The following WDFY4 variants were observed in gnomAD, a reference collection of about 807,000 sequenced individuals.
WDFY4 encodes the protein WD repeat- and FYVE domain-containing protein 4.
In WDFY4, 169 loss-of-function variants were observed where a neutral mutation model predicts 351.9. The ratio of observed to expected loss-of-function variants is 0.48; its 90% CI spans 0.42 to 0.55. The LOEUF is 0.55. WDFY4 is among the 20% of genes least tolerant of loss of function. The pLI, the probability that WDFY4 is intolerant of heterozygous loss-of-function variation, is 0.00. For missense variants in WDFY4, 3,803 were observed against 3,935.6 expected (o/e 0.97, Z 0.90); for synonymous variants, 1,622 against 1,574.6 (o/e 1.03, Z -0.71).
chr10:48,718,518 G>A (rs138106899), intron 2 of WDFY4, among the ~76,000 whole-genome samples: 9 of 152,346 alleles, frequency 5.9e-5, no homozygotes, highest in East Asian at 5.8e-4. Context: ...GAAAGTGGAC[G>A]GTGGGTGGTG....
intron 31 of WDFY4, among the ~76,000 whole-genome samples, chr10:48,814,921 T>C (rs2067571713): frequency 6.6e-6 from 1 of 152,210 alleles, no homozygotes. Context: ...TTTTCCTCAA[T>C]ATTTGTGGAC....
intron 31 of WDFY4, among the ~76,000 whole-genome samples, chr10:48,816,513 T>C (rs2067625567): frequency 6.6e-6 from 1 of 152,244 alleles, no homozygotes; most frequent in Admixed American, 6.5e-5. Context: ...GTGATCTGTA[T>C]ATTTTTCATC....
chr10:48,900,226 C>T lies in WDFY4; in HGVS notation c.7443C>T (p.Ile2481=), dbSNP rs765061712. Residue 2481 remains isoleucine (I), a synonymous_variant, in exon 46 of 62, where the codon ATC becomes ATT. Transcript: ENST00000325239. ...LRQARFLLQD[I]ALEIFFHNGY... ...AAAGGGGCTTCTCTTCACAGGACAT[C>T]GCCCTGGAGATCTTCTTCCACAATG... The T allele has an allele frequency of 3.2e-5, 50 of 1,551,334 alleles. No homozygotes were observed. The highest frequency in any genetic ancestry group is 1.7e-4 in the Middle Eastern group (1 of 6,010).
chr10:48,703,487 G>T (rs570368411), intron 1 of WDFY4, among the ~76,000 whole-genome samples: 4 of 152,352 alleles, frequency 2.6e-5, no homozygotes, highest in Admixed American at 6.5e-5. Context: ...AATGGGGAAA[G>T]AATTTTAATC....
In WDFY4 at chr10:48,959,756, G is replaced by T; in HGVS notation, c.8166G>T (p.Val2722=). Residue 2722 remains valine (V), a synonymous_variant, in exon 53 of 62, where the codon GTG becomes GTT. Transcript: ENST00000325239. The part of the protein sequence containing the change: ...CMQDGTVLGD[V]QLPPWADGDP... ...AGGACGGGACTGTGCTAGGAGACGT[G>T]CAGCTCCCTCCCTGGGCTGATGGGG... 1 of 1,551,596 alleles carries T rather than the reference G, an allele frequency of 6.4e-7. No homozygotes were observed. Among genetic ancestry groups the T allele is most frequent in the Non-Finnish European group, 8.7e-7 (1 of 1,146,950 alleles).
rs1412161879 is a variant in WDFY4, at chr10:48,776,949, G to T, written c.3063G>T (p.Ser1021=). 3.9e-6 allele frequency: 6 copies of T among 1,552,270 alleles called. No individual in the cohort carries two copies. Among genetic ancestry groups the T allele is most frequent in the Admixed American group, 2.0e-5 (1 of 50,984 alleles). Residue 1021 remains serine, a synonymous_variant, in exon 16 of 62, where the codon TCG becomes TCT. Coordinates refer to ENST00000325239, the MANE Select transcript of WDFY4 (RefSeq NM_001394531.1). ...CTCAGAGGGCAGCCCTGGCCCCATC[G>T]TTTGTGGAATTTGACATGTCCGTGG... ...LQPQRAALAP[S]FVEFDMSVEG...
At position 48,774,499 on chromosome 10, in the gene WDFY4, G is replaced by T. The variant is rs1322548083; in HGVS notation, c.2595G>T (p.Gln865His). The T allele has an allele frequency of 6.4e-7, 1 of 1,551,756 alleles. No individual in the cohort carries two copies. The part of the protein sequence containing the change: ...EIQCSLASHI[Q>H]SLVKSEKNRQ... ...AGTGCTCCCTGGCCAGTCATATCCA[G>T]TCCCTGGTGAAGTCGGAGAAGAACC... Residue 865 changes from glutamine to histidine, a missense_variant, in exon 14 of 62, where the codon CAG (glutamine) becomes CAT (histidine). By Grantham distance (24) the Gln-to-His change is conservative (BLOSUM62 0). Around this residue, in one of 3 missense-constraint regions of WDFY4, gnomAD observed 3,054 missense variants for 3,148.6 expected, o/e 0.97. Transcript: ENST00000325239.
chr10:48,712,117 A>AT (rs1274908131), intron 2 of WDFY4, among the ~76,000 whole-genome samples: 2 of 152,206 alleles, frequency 1.3e-5, no homozygotes, highest in African/African-American at 4.8e-5. Flanking sequence ...GTTGTTGAAC[A>AT]TGTGGGCTTT....
At chr10:48,699,283 C>T (rs754841768) in intron 1 of WDFY4, among the ~76,000 whole-genome samples, 7 of 152,194 alleles carry the variant, frequency 4.6e-5, no homozygotes, top group Non-Finnish European at 1.0e-4. Flanking sequence ...GTGTTCAGAG[C>T]TTTCAGTGTT....
Position 48,796,423 on chromosome 10 carries a change from C to T in WDFY4, c.4383C>T (p.Val1461=), listed in dbSNP as rs1448651319. The change falls in exon 24 of 62, where the codon GTC becomes GTT. Residue 1461 remains valine (V), a synonymous_variant. Transcript: ENST00000325239. ...FRSSAITNTG[V]FQHILCNFEL... is the part of the protein sequence containing the mutation. ...CATCTGCTATCACCAACACTGGTGT[C>T]TTCCAGCACATCCTCTGCAATTTCG... 7 of 1,551,776 alleles carry T rather than the reference C, an allele frequency of 4.5e-6. No individual in the cohort carries two copies. The highest frequency in any genetic ancestry group is 6.1e-6 in the Non-Finnish European group (7 of 1,147,070).
rs1044541502 is a variant in WDFY4, at chr10:48,970,181, C to T, written c.8820C>T (p.Ala2940=). ...NLAAWGRCLC[A]VCPSPTTIVT... is the part of the protein sequence containing the mutation. Reference sequence around the variant, plus strand: ...CTGCCTGGGGCCGCTGTCTGTGCGCCGTGTGCCCATCCCCAACAACGATTG... The same window carrying T: ...CTGCCTGGGGCCGCTGTCTGTGCGCTGTGTGCCCATCCCCAACAACGATTG... Residue 2940 remains alanine, a synonymous_variant, in exon 57 of 62, where the codon GCC becomes GCT. Coordinates refer to ENST00000325239, the MANE Select transcript of WDFY4 (RefSeq NM_001394531.1). 24 of 1,551,700 alleles carry T rather than the reference C, an allele frequency of 1.5e-5. No homozygotes were observed. Among genetic ancestry groups the T allele is most frequent in the Middle Eastern group, 1.7e-4 (1 of 5,992 alleles).
intron 57 of WDFY4, among the ~76,000 whole-genome samples, chr10:48,971,841 C>G (rs1183044291): frequency 6.6e-6 from 1 of 152,152 alleles, no homozygotes; most frequent in African/African-American, 2.4e-5. Context: ...TGTCAGTGGG[C>G]TGGGTATGAT....
At chr10:48,709,644 A>G (rs2063718909) in intron 1 of WDFY4, 72 bp from the exon 2 acceptor site, 2 of 1,337,100 alleles carry the variant, frequency 1.5e-6, no homozygotes, top group Non-Finnish European at 2.1e-6. Context: ...TGAGTACAGT[A>G]CCTTATCCAC....
chr10:48,847,755 T>C (rs2068825368), intron 39 of WDFY4, among the ~76,000 whole-genome samples: 2 of 152,204 alleles, frequency 1.3e-5, no homozygotes, highest in Admixed American at 6.5e-5. Flanking sequence ...GATTTGTCTT[T>C]TGCTATACCA....
chr10:48,908,255 A>C (rs1407667328), intron 47 of WDFY4, among the ~76,000 whole-genome samples: 1 of 152,172 alleles, frequency 6.6e-6, no homozygotes, highest in Non-Finnish European at 1.5e-5. Context: ...CCACACCACC[A>C]GGGGTGGGGA....
rs1018995713 is a variant in WDFY4 at position 48,804,778 on chromosome 10, G to T, written c.4485-482G>T. 11 of 984,428 alleles carry T rather than the reference G, an allele frequency of 1.1e-5. No individual in the cohort carries two copies. The African/African-American group carries it at 1.8e-4, about 16-fold the overall frequency. The allele number at this position is 984,428 out of a possible 1,614,324, so 61.0% of individuals were successfully genotyped here. A position where few individuals can be genotyped will look rare whatever the true frequency, so the allele number is the denominator to read the frequency against. ...TTGGATTTGTGAGTATCTGAGGGAG[G>T]GGGTATGGATAGGTGGATTCTGTCT... On this transcript the variant is annotated intron_variant, in intron 25 of 61. Coordinates refer to ENST00000325239, the MANE Select transcript of WDFY4 (RefSeq NM_001394531.1).
intron 9 of WDFY4, among the ~76,000 whole-genome samples, chr10:48,733,351 T>C (rs1025989670): frequency 6.6e-6 from 1 of 152,200 alleles, no homozygotes; most frequent in African/African-American, 2.4e-5. Flanking sequence ...GCTTCCAATT[T>C]GTGTCAGGCA....
chr10:48,917,729 G>C (rs1246843953), intron 47 of WDFY4, among the ~76,000 whole-genome samples: 1 of 152,190 alleles, frequency 6.6e-6, no homozygotes, highest in Non-Finnish European at 1.5e-5. Flanking sequence ...TAAAAGAAAT[G>C]TCCAAGGAAG....
intron 39 of WDFY4, among the ~76,000 whole-genome samples, chr10:48,836,094 T>G (rs540700030): frequency 6.6e-6 from 1 of 152,230 alleles, no homozygotes; most frequent in East Asian, 1.9e-4. Context: ...AAGGCACAAC[T>G]TCTCAGGTAC....
Sources: gnomAD v4.1 joint callset for allele counts (sites outside exome capture counted in the v4.1 genomes callset) on GRCh38, gnomAD v4.1.1 for gene constraint, gnomAD v4.1.1 regional missense constraint, MANE v1.5 for transcripts, NCBI Gene and HGNC (gene_info 2026-07-23, HGNC 2026-07-21) for gene names.